Variants in TRAF3 observed in about 807,000 individuals in gnomAD.
TRAF3 encodes TNF receptor associated factor 3, also known as TNF receptor-associated factor 3.
TRAF3 carries 13 observed loss-of-function variants against 62.3 expected under a neutral mutation model. The observed-to-expected ratio is 0.21, with a 90% CI of 0.14 to 0.33. TRAF3 has a LOEUF of 0.33. Ranked by LOEUF, TRAF3 falls within the 10% of genes least tolerant of loss-of-function variation. TRAF3 has a pLI of 1.00. For missense variants in TRAF3, 440 were observed against 741.8 expected, an observed-to-expected ratio of 0.59 and a Z score of 4.73; for synonymous variants, 269 against 283.4, an observed-to-expected ratio of 0.95 and a Z score of 0.51.
In TRAF3 at chr14:102,876,507, T is replaced by A; in HGVS notation, c.552T>A (p.Val184=). 1 of 1,614,024 alleles carries A rather than the reference T, an allele frequency of 6.2e-7. No homozygotes were observed. Among genetic ancestry groups the A allele is most frequent in the Non-Finnish European group, 8.5e-7 (1 of 1,179,984 alleles). The change falls in exon 6 of 12, where the codon GTT becomes GTA. Residue 184 remains valine (V), a synonymous_variant. Coordinates refer to ENST00000392745, the MANE Select transcript of TRAF3 (RefSeq NM_145725.3). ...EATCSHCKSQ[V]PMIALQKHED... ...CATGCAGCCACTGCAAGAGTCAGGT[T>A]CCGATGATCGCGCTGCAGGTGCGGG... is the stretch of plus-strand genomic sequence containing the variant.
At chr14:102,888,288 G>T (rs541182938) in intron 7 of TRAF3, among the ~76,000 whole-genome samples, 1 of 152,196 alleles carries the variant, frequency 6.6e-6, no homozygotes. Flanking sequence ...AGGGGCAGCC[G>T]GTCTGGGTTC....
rs189405867 is a variant in TRAF3, at chr14:102,793,591, T to G, written c.-157+15916T>G. Among the ~76,000 whole-genome samples, 70 of 152,348 alleles carry G rather than the reference T, an allele frequency of 4.6e-4. 1 individual carries two copies. Among genetic ancestry groups the G allele is most frequent in the Non-Finnish European group, 6.6e-4 (45 of 68,030 alleles). On this transcript the variant is annotated intron_variant, in intron 1 of 11. Transcript: ENST00000392745. ...CTGGGATGATGATGATTGTACCATG[T>G]ACTTCCCCTCTTCTCAACACAGACA...
chr14:102,897,981 T>C (rs1394404736), intron 10 of TRAF3, among the ~76,000 whole-genome samples: 1 of 152,260 alleles, frequency 6.6e-6, no homozygotes, highest in Non-Finnish European at 1.5e-5. Flanking sequence ...TGTGGGGTGC[T>C]TGTTAATAGA....
intron 2 of TRAF3, among the ~76,000 whole-genome samples, chr14:102,837,450 A>G (rs1046799470): frequency 6.6e-6 from 1 of 152,074 alleles, no homozygotes; most frequent in Non-Finnish European, 1.5e-5. Context: ...TGGCCTCCAA[A>G]CAATAATTTA....
At chr14:102,787,146 G>A (rs1172745200) in intron 1 of TRAF3, among the ~76,000 whole-genome samples, 1 of 152,152 alleles carries the variant, frequency 6.6e-6, no homozygotes, top group Non-Finnish European at 1.5e-5. Context: ...AGGCTGTCTT[G>A]GAAGTATGGC....
intron 8 of TRAF3, among the ~76,000 whole-genome samples, chr14:102,889,845 G>A (rs1889611086): frequency 6.6e-6 from 1 of 152,222 alleles, no homozygotes; most frequent in Non-Finnish European, 1.5e-5. Flanking sequence ...GAGACACTGT[G>A]CTGAGGTGGA....
chr14:102,818,757 T>C (rs1430961497), intron 1 of TRAF3, among the ~76,000 whole-genome samples: 2 of 152,234 alleles, frequency 1.3e-5, no homozygotes, highest in African/African-American at 4.8e-5. Flanking sequence ...TCCAGGCTCT[T>C]CTGTGGCCAT....
At chr14:102,816,149 C>T (rs1407221902) in intron 1 of TRAF3, among the ~76,000 whole-genome samples, 4 of 151,770 alleles carry the variant, frequency 2.6e-5, no homozygotes, top group African/African-American at 7.3e-5. Context: ...GTTGCCCAGG[C>T]AGGAGTGTAG....
At chr14:102,796,305 C>T (rs1898081581) in intron 1 of TRAF3, among the ~76,000 whole-genome samples, 1 of 152,258 alleles carries the variant, frequency 6.6e-6, no homozygotes, top group South Asian at 2.1e-4. Flanking sequence ...CGAGGGAGGG[C>T]ATGGAGGCTC....
intron 9 of TRAF3, among the ~76,000 whole-genome samples, chr14:102,895,872 C>T (rs920831256): frequency 1.2e-4 from 19 of 152,156 alleles, no homozygotes; most frequent in African/African-American, 4.6e-4. Flanking sequence ...TCTGCGCTTC[C>T]GTGGAAGGGT....
rs770905193 is a variant in TRAF3, at chr14:102,903,403, G to A, written c.1109G>A (p.Ser370Asn). The change falls in exon 11 of 12, where the codon AGC (serine) becomes AAC (asparagine). Residue 370 changes from serine (S) to asparagine (N), a missense_variant. Around this residue, in one of 6 missense-constraint regions of TRAF3, gnomAD observed 41 missense variants for 40.0 expected, o/e 1.03. Transcript: ENST00000392745. This position sits in a 1 kb window ranked among gnomAD's most constrained non-coding sequence, Gnocchi z 6.4. ...ACCGAGCTGGAGAGCGTGGACAAGAGCGCGGGGCAAGTGGCTCGGAACACA... is the reference window on the plus strand; with the variant it reads ...ACCGAGCTGGAGAGCGTGGACAAGAACGCGGGGCAAGTGGCTCGGAACACA... ...RVTELESVDKSAGQVARNTGL... is the reference protein window; with the variant it reads ...RVTELESVDKNAGQVARNTGL... The A allele has an allele frequency of 6.8e-6, 11 of 1,614,126 alleles. No individual in the cohort carries two copies. The highest frequency in any genetic ancestry group is 9.3e-6 in the Non-Finnish European group (11 of 1,180,026).
intron 7 of TRAF3, 116 bp from the exon 8 acceptor site, chr14:102,889,444 T>A (rs1889586230): frequency 1.9e-6 from 2 of 1,048,918 alleles, no homozygotes; most frequent in African/African-American, 1.6e-5. Context: ...TATACACACC[T>A]GTAGCGATAA....
intron 1 of TRAF3, among the ~76,000 whole-genome samples, chr14:102,803,962 C>G (rs2139477452): frequency 6.6e-6 from 1 of 152,272 alleles, no homozygotes; most frequent in African/African-American, 2.4e-5. Context: ...CTTTGAGAGG[C>G]TCAGGCCGGA....
chr14:102,821,548 T>A (rs2139582003), intron 1 of TRAF3, among the ~76,000 whole-genome samples: 1 of 152,336 alleles, frequency 6.6e-6, no homozygotes, highest in South Asian at 2.1e-4. Context: ...TGGTGTCTTT[T>A]ATAATTATCC....
chr14:102,778,092 C>T (rs1897105532), intron 1 of TRAF3, among the ~76,000 whole-genome samples: 1 of 150,300 alleles, frequency 6.7e-6, no homozygotes, highest in Admixed American at 6.6e-5. Flanking sequence ...TGGCCGAGCG[C>T]GCTGCCCGGG....
At chr14:102,783,729 T>C (rs1897359516) in intron 1 of TRAF3, among the ~76,000 whole-genome samples, 1 of 152,214 alleles carries the variant, frequency 6.6e-6, no homozygotes, top group African/African-American at 2.4e-5. Context: ...TCCCTGGAGC[T>C]GTCCACCCCA....
At chr14:102,893,245 G>T (rs190051980) in intron 9 of TRAF3, among the ~76,000 whole-genome samples, 1 of 151,702 alleles carries the variant, frequency 6.6e-6, no homozygotes, top group African/African-American at 2.4e-5. Context: ...CAAAAATTAC[G>T]CCAGCATAGT....
chr14:102,807,371 C>T (rs372574983), intron 1 of TRAF3, among the ~76,000 whole-genome samples: 1 of 152,350 alleles, frequency 6.6e-6, no homozygotes, highest in African/African-American at 2.4e-5. Context: ...GCCTCAGTCT[C>T]TCCATGCCTG....
At chr14:102,821,507 G>C (rs942942240) in intron 1 of TRAF3, among the ~76,000 whole-genome samples, 1 of 152,156 alleles carries the variant, frequency 6.6e-6, no homozygotes, top group Non-Finnish European at 1.5e-5. Context: ...TTTGCAAGTC[G>C]TTTATTTAAC....
Sources: gnomAD v4.1 joint callset for allele counts (sites outside exome capture counted in the v4.1 genomes callset) on GRCh38, gnomAD v4.1.1 for gene constraint, gnomAD v4.1.1 regional missense constraint, Gnocchi (gnomAD v3.1) non-coding constraint, MANE v1.5 for transcripts, NCBI Gene and HGNC (gene_info 2026-07-23, HGNC 2026-07-21) for gene names.